The following PDE3A variants were observed in gnomAD, a reference collection of about 807,000 sequenced individuals.
PDE3A encodes the protein phosphodiesterase 3A.
Under a neutral mutation model 98.3 loss-of-function variants are expected in PDE3A, and 43 were observed. The ratio of observed to expected loss-of-function variants is 0.44; its 90% CI spans 0.34 to 0.56. PDE3A has a LOEUF of 0.56. PDE3A is among the 20% of genes least tolerant of loss of function. The probability of loss-of-function intolerance (pLI) is 0.01; values close to 1 mark genes in which losing one functional copy is unlikely to be tolerated. For missense variants in PDE3A, 1,427 were observed against 1,440.7 expected, an observed-to-expected ratio of 0.99 and a Z score of 0.15; for synonymous variants, 663 against 567.9, an observed-to-expected ratio of 1.17 and a Z score of -2.38.
intron 1 of PDE3A, among the ~76,000 whole-genome samples, chr12:20,554,137 T>G (rs1361584364): frequency 2.6e-5 from 4 of 151,684 alleles, no homozygotes; most frequent in Non-Finnish European, 5.9e-5. Context: ...TTTTCTAATT[T>G]TACCAAAGTT....
At chr12:20,679,930 T>C in intron 15 of PDE3A, 100 bp from the exon 16 acceptor site, 1 of 394,844 alleles carries the variant, frequency 2.5e-6, no homozygotes, top group Non-Finnish European at 4.4e-6. Context: ...AATAAGGTTA[T>C]GGATTAACTC....
intron 2 of PDE3A, among the ~76,000 whole-genome samples, chr12:20,602,536 T>C (rs1197178024): frequency 2.0e-5 from 3 of 152,206 alleles, no homozygotes; most frequent in South Asian, 2.1e-4. Context: ...ATTTGGTGAC[T>C]TGCAGTGCTC....
At chr12:20,628,545 G>T (rs1944315501) in intron 5 of PDE3A, among the ~76,000 whole-genome samples, 1 of 152,148 alleles carries the variant, frequency 6.6e-6, no homozygotes, top group African/African-American at 2.4e-5. Flanking sequence ...CCATGTACTA[G>T]TACTGTGACC....
At position 20,526,884 on chromosome 12, in the gene PDE3A, CTGTGTGTGTGTGTG is replaced by C. The variant is rs71039949; in HGVS notation, c.961-29740_961-29727del. ...TAAGGCCATTAGGAGACATTTTTTT[CTGTGTGTGTGTGTG>C]TGTGTGTGTGTGTGTGTGTGTGTGT... is the stretch of plus-strand genomic sequence containing the variant. On this transcript the variant is annotated intron_variant, in intron 1 of 15. Transcript: ENST00000359062. Among the ~76,000 whole-genome samples the C allele has an allele frequency of 1.4e-3, 188 of 136,918 alleles. 1 individual carries two copies. Among genetic ancestry groups the C allele is most frequent in the East Asian group, 7.8e-3 (35 of 4,472 alleles). The allele number at this position is 136,918 out of a possible 152,430, so 89.8% of individuals were successfully genotyped here. A position where few individuals can be genotyped will look rare whatever the true frequency, so the allele number is the denominator to read the frequency against.
At chr12:20,524,567 T>C (rs537393829) in intron 1 of PDE3A, among the ~76,000 whole-genome samples, 1 of 152,206 alleles carries the variant, frequency 6.6e-6, no homozygotes, top group South Asian at 2.1e-4. Context: ...TTTTAAATTG[T>C]GAAACAGATC....
intron 1 of PDE3A, among the ~76,000 whole-genome samples, chr12:20,415,147 A>T (rs1944401954): frequency 6.6e-6 from 1 of 150,422 alleles, no homozygotes; most frequent in African/African-American, 2.4e-5. Flanking sequence ...TTTTTGTATC[A>T]TGCCCATAGC....
At chr12:20,515,435 CT>C (rs1402186774) in intron 1 of PDE3A, among the ~76,000 whole-genome samples, 3 of 152,124 alleles carry the variant, frequency 2.0e-5, no homozygotes, top group African/African-American at 7.2e-5. Flanking sequence ...AACTCCTTAG[CT>C]TAAAAAGTCC....
At chr12:20,449,404 C>A (rs745316775) in intron 1 of PDE3A, among the ~76,000 whole-genome samples, 8 of 152,296 alleles carry the variant, frequency 5.3e-5, no homozygotes, top group Middle Eastern at 6.8e-3. Flanking sequence ...CATTTACAGA[C>A]ATTGTCATTT....
intron 2 of PDE3A, among the ~76,000 whole-genome samples, chr12:20,599,140 T>C (rs901165351): frequency 1.3e-5 from 2 of 152,220 alleles, no homozygotes; most frequent in African/African-American, 2.4e-5. Context: ...AGTCTGCTAA[T>C]GGACTTCTTT....
At chr12:20,675,695 C>T (rs534118845) in intron 15 of PDE3A, among the ~76,000 whole-genome samples, 2 of 152,232 alleles carry the variant, frequency 1.3e-5, no homozygotes, top group Admixed American at 6.5e-5. Flanking sequence ...GAATTGATCT[C>T]GTTGTCATTA....
At position 20,625,593 on chromosome 12, in the gene PDE3A, C is replaced by T. The variant is rs368927745; in HGVS notation, c.1540+4182C>T. On this transcript the variant is annotated intron_variant, in intron 5 of 15. Coordinates refer to ENST00000359062, the MANE Select transcript of PDE3A (RefSeq NM_000921.5). ...CCTGGGCATGGAAAAAAAGAGATGT[C>T]TTTATCAGACAAGCTGGTTCCTTTT... 1.2e-4 allele frequency among the ~76,000 whole-genome samples: 18 copies of T among 152,248 alleles called. No homozygotes were observed. The East Asian group carries it at 2.1e-3, about 18-fold the overall frequency.
intron 3 of PDE3A, 96 bp from the exon 4 acceptor site, chr12:20,616,134 T>A: frequency 9.0e-7 from 1 of 1,116,488 alleles, no homozygotes; most frequent in Non-Finnish European, 1.3e-6. Context: ...TTTAGTCAAT[T>A]CACTTCTAAT....
At chr12:20,472,975 A>G (rs1024914041) in intron 1 of PDE3A, among the ~76,000 whole-genome samples, 2 of 152,152 alleles carry the variant, frequency 1.3e-5, no homozygotes, top group African/African-American at 4.8e-5. Flanking sequence ...ATGATACTCA[A>G]TATATACATA....
At chr12:20,370,395 T>TG (rs1943448032) in intron 1 of PDE3A, 151 bp downstream of exon 1, 1 of 464,790 alleles carries the variant, frequency 2.2e-6, no homozygotes, top group Non-Finnish European at 3.5e-6. Context: ...GCAGGTTTTT[T>TG]TTTTGTTTTT....
intron 1 of PDE3A, among the ~76,000 whole-genome samples, chr12:20,419,561 A>C (rs1192910542): frequency 6.6e-6 from 1 of 151,914 alleles, no homozygotes; most frequent in East Asian, 1.9e-4. Flanking sequence ...CGAGTTTCAC[A>C]AAAAATAAAG....
At chr12:20,563,047 C>T (rs1253593761) in intron 2 of PDE3A, among the ~76,000 whole-genome samples, 1 of 152,150 alleles carries the variant, frequency 6.6e-6, no homozygotes, top group Non-Finnish European at 1.5e-5. Context: ...TGTAAAAATT[C>T]TAGACTAAAA....
Position 20,648,634 on chromosome 12 carries a change from T to A in PDE3A, c.2566-54T>A, listed in dbSNP as rs1048200803. 1.4e-5 allele frequency: 16 copies of A among 1,130,530 alleles called. 1 individual carries two copies. The Admixed American group carries it at 1.9e-4, about 13-fold the overall frequency. 70.0% of individuals were successfully genotyped at this position (1,130,530 alleles called of 1,614,324 possible). A position where few individuals can be genotyped will look rare whatever the true frequency, so the allele number is the denominator to read the frequency against. ...TCAAAAGCATTGCATATTCTCATGA[T>A]TTTTGTGATTATTTTCTTAAAAAGT... On this transcript the variant is annotated intron_variant, in intron 12 of 15. Transcript: ENST00000359062.
intron 1 of PDE3A, among the ~76,000 whole-genome samples, chr12:20,535,943 T>A (rs945925000): frequency 6.6e-6 from 1 of 152,076 alleles, no homozygotes; most frequent in Non-Finnish European, 1.5e-5. Context: ...GAACTATAGT[T>A]TAAAATAACA....
At chr12:20,617,507 AAATT>A (rs772833510) in intron 4 of PDE3A, among the ~76,000 whole-genome samples, 6 of 152,188 alleles carry the variant, frequency 3.9e-5, no homozygotes, top group Non-Finnish European at 8.8e-5. Flanking sequence ...CTGACGGTTG[AAATT>A]AATTAGAAGT....
Sources: allele counts gnomAD v4.1 joint callset (sites outside exome capture counted in the v4.1 genomes callset), GRCh38; gene constraint gnomAD v4.1.1; transcripts MANE v1.5; gene names NCBI Gene and HGNC (gene_info 2026-07-23, HGNC 2026-07-21).